PLCB1: variants seen among roughly 807,000 people sequenced by gnomAD.
The protein encoded by PLCB1 is phospholipase C beta 1, also known as 1-phosphatidylinositol 4,5-bisphosphate phosphodiesterase beta-1.
Under a neutral mutation model 161.8 loss-of-function variants are expected in PLCB1, and 46 were observed. That is an observed-to-expected ratio of 0.28 (90% CI 0.22 to 0.36). PLCB1 has a LOEUF of 0.36. Ranked by LOEUF, PLCB1 falls within the 10% of genes least tolerant of loss-of-function variation. The probability of loss-of-function intolerance (pLI) is 1.00; values close to 1 mark genes in which losing one functional copy is unlikely to be tolerated. For synonymous variants in PLCB1, 517 were observed against 503.7 expected, an observed-to-expected ratio of 1.03 and a Z score of -0.35; for missense variants, 1,016 against 1,472.5, an observed-to-expected ratio of 0.69 and a Z score of 5.07.
intron 3 of PLCB1, among the ~76,000 whole-genome samples, chr20:8,580,150 T>C (rs1986788419): frequency 6.6e-6 from 1 of 152,176 alleles, no homozygotes; most frequent in Non-Finnish European, 1.5e-5. Flanking sequence ...AGGAATTAGC[T>C]AGCCCTCAGT....
At chr20:8,346,480 C>T (rs1318191245) in intron 2 of PLCB1, among the ~76,000 whole-genome samples, 1 of 152,178 alleles carries the variant, frequency 6.6e-6, no homozygotes, top group Non-Finnish European at 1.5e-5. Flanking sequence ...ATTTATACTG[C>T]TTCCTAACAT....
intron 31 of PLCB1, among the ~76,000 whole-genome samples, chr20:8,810,058 G>A (rs1984737394): frequency 6.6e-6 from 1 of 152,136 alleles, no homozygotes; most frequent in South Asian, 2.1e-4. Context: ...AATAGATGCT[G>A]GGGTAAACAG....
chr20:8,461,264 A>G (rs1468659026), intron 3 of PLCB1, among the ~76,000 whole-genome samples: 5 of 152,128 alleles, frequency 3.3e-5, no homozygotes, highest in Admixed American at 6.6e-5. Context: ...TGACATTCCT[A>G]TTAAGAGGTC....
At chr20:8,346,945 T>C (rs1042750756) in intron 2 of PLCB1, among the ~76,000 whole-genome samples, 21 of 151,856 alleles carry the variant, frequency 1.4e-4, no homozygotes, top group African/African-American at 3.9e-4. Context: ...GCTAGACAGA[T>C]AGAAGGAGGA....
chr20:8,876,767 T>G (rs759704917), intron 31 of PLCB1, among the ~76,000 whole-genome samples: 1 of 152,152 alleles, frequency 6.6e-6, no homozygotes, highest in Non-Finnish European at 1.5e-5. Flanking sequence ...ATTGAAGTGA[T>G]GCAAAAAGTA....
chr20:8,799,398 C>T lies in PLCB1; in HGVS notation c.3423+9137C>T, dbSNP rs192809137. ...CATACATGAAAAGTCCACACAACCA[C>T]GGATGGAAAACCTTTTGGGTTTATT... On this transcript the variant is annotated intron_variant, in intron 31 of 31. Coordinates refer to ENST00000338037, the MANE Select transcript of PLCB1 (RefSeq NM_015192.4). Among the ~76,000 whole-genome samples, 15 of 152,294 alleles carry T rather than the reference C, an allele frequency of 9.8e-5. No homozygotes were observed. In the East Asian group the frequency reaches 1.5e-3, roughly 16 times the overall value.
chr20:8,693,458 C>A (rs1042239544), intron 10 of PLCB1, among the ~76,000 whole-genome samples: 4 of 152,170 alleles, frequency 2.6e-5, no homozygotes, highest in Non-Finnish European at 5.9e-5. Context: ...ATAATACATT[C>A]TCTGCATTTT....
At chr20:8,823,126 TG>T (rs1476707749) in intron 31 of PLCB1, among the ~76,000 whole-genome samples, 1 of 150,328 alleles carries the variant, frequency 6.7e-6, no homozygotes, top group Non-Finnish European at 1.5e-5. Context: ...ACCCCTTTTT[TG>T]TTTTTTGTTT....
chr20:8,235,691 C>T (rs1173963054), intron 2 of PLCB1, among the ~76,000 whole-genome samples: 3 of 151,876 alleles, frequency 2.0e-5, no homozygotes, highest in Admixed American at 6.6e-5. Flanking sequence ...TTATAACTTG[C>T]GTATGAGATG....
Position 8,404,225 on chromosome 20 carries a change from AC to A in PLCB1, c.246+32777del, listed in dbSNP as rs1978690972. Among the ~76,000 whole-genome samples, 3 of 152,240 alleles carry A rather than the reference AC, an allele frequency of 2.0e-5. No homozygotes were observed. The South Asian group carries it at 6.2e-4, about 32-fold the overall frequency. The stretch of plus-strand genomic sequence containing the variant: ...AATGCTCTGTTCTAAGAGTTAACTG[AC>A]CTATGTTTTTGTTTCAGGGTTTTGG... On this transcript the variant is annotated intron_variant, in intron 3 of 31. Transcript: ENST00000338037.
chr20:8,460,222 T>G (rs1981515270), intron 3 of PLCB1, among the ~76,000 whole-genome samples: 1 of 152,212 alleles, frequency 6.6e-6, no homozygotes, highest in African/African-American at 2.4e-5. Context: ...GGCTGCAGTT[T>G]CATATTGACA....
chr20:8,508,788 TTA>T (rs141615014), intron 3 of PLCB1, among the ~76,000 whole-genome samples: 27 of 150,746 alleles, frequency 1.8e-4, no homozygotes, highest in African/African-American at 3.4e-4. Context: ...ATGCTTTGAA[TTA>T]TATATATATA....
Position 8,746,612 on chromosome 20 carries a change from T to C in PLCB1, c.2523+5039T>C, listed in dbSNP as rs75328698. ...CTCCCACTTCTGCCTCCCAAAGCAC[T>C]GAGATTACAGGGGTGGTTCACCATG... On this transcript the variant is annotated intron_variant, in intron 23 of 31. Transcript: ENST00000338037. 7.0e-3 allele frequency among the ~76,000 whole-genome samples: 1,063 copies of C among 152,292 alleles called. 12 individuals are homozygous for C. The highest frequency in any genetic ancestry group is 0.024 in the African/African-American group (989 of 41,564).
chr20:8,247,050 A>G (rs1194207875), intron 2 of PLCB1, among the ~76,000 whole-genome samples: 2 of 151,970 alleles, frequency 1.3e-5, no homozygotes, highest in Non-Finnish European at 2.9e-5. Flanking sequence ...ATGGCTTACA[A>G]TACTTGTGAA....
At chr20:8,408,942 C>T (rs1158842805) in intron 3 of PLCB1, among the ~76,000 whole-genome samples, 1 of 152,096 alleles carries the variant, frequency 6.6e-6, no homozygotes, top group Non-Finnish European at 1.5e-5. Context: ...ATAAAGGGCT[C>T]TACAATCCAA....
intron 3 of PLCB1, among the ~76,000 whole-genome samples, chr20:8,605,973 C>A (rs1349143232): frequency 6.6e-6 from 1 of 152,124 alleles, no homozygotes; most frequent in Non-Finnish European, 1.5e-5. Context: ...TTTTACTGCA[C>A]AAGACATGAT....
At chr20:8,284,015 A>G (rs1982998090) in intron 2 of PLCB1, among the ~76,000 whole-genome samples, 1 of 151,874 alleles carries the variant, frequency 6.6e-6, no homozygotes, top group Non-Finnish European at 1.5e-5. Context: ...TTCAATATTT[A>G]TATTCTTGGA....
rs183626075 is a variant in PLCB1, at chr20:8,271,967, G to T, written c.178-99415G>T. Among the ~76,000 whole-genome samples the T allele has an allele frequency of 4.7e-3, 719 of 152,156 alleles. 10 individuals are homozygous for T. The highest frequency in any genetic ancestry group is 0.016 in the African/African-American group (651 of 41,548). On this transcript the variant is annotated intron_variant, in intron 2 of 31. Coordinates refer to ENST00000338037, the MANE Select transcript of PLCB1 (RefSeq NM_015192.4). ...GAGGGAAAGATTTCTAAGGAATAAT[G>T]ACTAAGAACAGTTTGATATGTACGT...
intron 2 of PLCB1, among the ~76,000 whole-genome samples, chr20:8,352,082 G>C (rs951583962): frequency 4.6e-5 from 7 of 152,048 alleles, no homozygotes; most frequent in Admixed American, 1.3e-4. Context: ...AAAACTGGAA[G>C]CCACCACGAT....
Sources: gnomAD v4.1 joint callset for allele counts (sites outside exome capture counted in the v4.1 genomes callset) on GRCh38, gnomAD v4.1.1 for gene constraint, MANE v1.5 for transcripts, NCBI Gene and HGNC (gene_info 2026-07-23, HGNC 2026-07-21) for gene names.